MAP3K13: variants seen among roughly 807,000 people sequenced by gnomAD.
The protein encoded by MAP3K13 is mitogen-activated protein kinase kinase kinase 13, also known as leucine zipper-bearing kinase.
A neutral mutation model predicts 104.0 loss-of-function variants in MAP3K13; 52 were observed. The observed-to-expected ratio is 0.50, with a 90% CI of 0.40 to 0.63. The LOEUF is 0.63. Ranked by LOEUF, MAP3K13 falls within the 20% of genes least tolerant of loss-of-function variation. MAP3K13 has a pLI of 0.00. For synonymous variants in MAP3K13, 394 were observed against 442.2 expected (o/e 0.89, Z 1.37); for missense variants, 914 against 1,218.5 (o/e 0.75, Z 3.72).
rs559701293 is a variant in MAP3K13, at chr3:185,291,205, C to T, written c.-86+5562C>T. On this transcript the variant is annotated intron_variant, in intron 2 of 14. Transcript: ENST00000424227. Reference sequence around the variant, plus strand: ...CCCACAAAGTGAACATCATTTTATGCTATCTCTTCCAACAAGCATTTTGGC... The same window carrying T: ...CCCACAAAGTGAACATCATTTTATGTTATCTCTTCCAACAAGCATTTTGGC... 3.9e-5 allele frequency among the ~76,000 whole-genome samples: 6 copies of T among 152,326 alleles called. No individual in the cohort carries two copies. In the South Asian group the frequency reaches 1.2e-3, roughly 32 times the overall value.
At chr3:185,284,644 G>T (rs888332562) in intron 1 of MAP3K13, among the ~76,000 whole-genome samples, 1 of 152,112 alleles carries the variant, frequency 6.6e-6, no homozygotes, top group Non-Finnish European at 1.5e-5. Flanking sequence ...GAAGCCGGGA[G>T]GGGGAGGTTG....
At chr3:185,284,428 G>A (rs964023304) in intron 1 of MAP3K13, among the ~76,000 whole-genome samples, 69 of 152,280 alleles carry the variant, frequency 4.5e-4, no homozygotes, top group Admixed American at 2.5e-3. Context: ...ATGTGATAAA[G>A]TGTGGGGCCG....
At chr3:185,292,150 C>G (rs563617800) in intron 2 of MAP3K13, 1 of 232,854 alleles carries the variant, frequency 4.3e-6, no homozygotes, top group African/African-American at 2.3e-5. Flanking sequence ...ACTAAAAATA[C>G]AAAAATTAGC....
intron 1 of MAP3K13, among the ~76,000 whole-genome samples, chr3:185,379,377 G>C (rs770269834): frequency 6.6e-6 from 1 of 152,182 alleles, no homozygotes; most frequent in Non-Finnish European, 1.5e-5. Flanking sequence ...AGAGATTGAA[G>C]GATGGCTCCA....
intron 12 of MAP3K13, among the ~76,000 whole-genome samples, chr3:185,477,645 C>T (rs907856492): frequency 2.6e-5 from 4 of 152,176 alleles, no homozygotes; most frequent in Admixed American, 1.3e-4. Flanking sequence ...TTCAAGGTTA[C>T]AACTGAGAAT....
intron 2 of MAP3K13, among the ~76,000 whole-genome samples, chr3:185,357,381 G>T (rs1723405385): frequency 1.3e-5 from 2 of 149,590 alleles, no homozygotes; most frequent in Admixed American, 1.3e-4. Flanking sequence ...CCGGGAGGCG[G>T]AGGTTACGGT....
chr3:185,407,231 C>T (rs1201821065), intron 1 of MAP3K13, among the ~76,000 whole-genome samples: 1 of 152,030 alleles, frequency 6.6e-6, no homozygotes, highest in Non-Finnish European at 1.5e-5. Flanking sequence ...AGATCTTGAG[C>T]CTTAACCCAC....
At chr3:185,467,472 T>C (rs1379091159) in intron 10 of MAP3K13, among the ~76,000 whole-genome samples, 2 of 152,118 alleles carry the variant, frequency 1.3e-5, no homozygotes, top group African/African-American at 4.8e-5. Context: ...ACTGTATTAG[T>C]CCCTTCTTGC....
intron 1 of MAP3K13, among the ~76,000 whole-genome samples, chr3:185,380,234 C>T (rs189846214): frequency 2.8e-4 from 43 of 151,600 alleles, no homozygotes; most frequent in African/African-American, 1.0e-3. Flanking sequence ...ATTCTCAGGC[C>T]GGGCGTGGTG....
At chr3:185,474,663 C>T (rs553787272) in intron 11 of MAP3K13, among the ~76,000 whole-genome samples, 6 of 152,304 alleles carry the variant, frequency 3.9e-5, no homozygotes. Context: ...TGACAGGCAT[C>T]GTGACCCAGA....
chr3:185,390,663 C>G (rs984494206), intron 1 of MAP3K13, among the ~76,000 whole-genome samples: 4 of 138,346 alleles, frequency 2.9e-5, no homozygotes, highest in Non-Finnish European at 4.6e-5. Context: ...CTTGCTCTGT[C>G]GCCAGGCTGG....
intron 2 of MAP3K13, among the ~76,000 whole-genome samples, chr3:185,355,872 A>G (rs1309739664): frequency 6.6e-6 from 1 of 152,234 alleles, no homozygotes; most frequent in Non-Finnish European, 1.5e-5. Context: ...AGTTTTGATT[A>G]TGAGGTTATT....
intron 2 of MAP3K13, among the ~76,000 whole-genome samples, chr3:185,347,969 A>C (rs555944746): frequency 6.7e-6 from 1 of 150,040 alleles, no homozygotes; most frequent in African/African-American, 2.5e-5. Flanking sequence ...CCGAGATTGC[A>C]TCATTGCACT....
chr3:185,360,755 G>T (rs1723570492), upstream of MAP3K13, among the ~76,000 whole-genome samples: 4 of 150,728 alleles, frequency 2.7e-5, no homozygotes, highest in South Asian at 6.3e-4. Flanking sequence ...CCCATCCATA[G>T]TGGACTTATT....
At chr3:185,443,401 C>G (rs752222546) in intron 3 of MAP3K13, 44 bp from the exon 4 acceptor site, 9 of 1,334,094 alleles carry the variant, frequency 6.7e-6, no homozygotes, top group Non-Finnish European at 1.1e-6. Flanking sequence ...CATATGTATA[C>G]TTGTATGTGT....
At chr3:185,465,988 T>C in intron 9 of MAP3K13, 125 bp downstream of exon 9, 2 of 744,562 alleles carry the variant, frequency 2.7e-6, no homozygotes, top group South Asian at 3.2e-5. Context: ...CCAACATTCC[T>C]TCCGGGATGT....
At chr3:185,471,056 G>A (rs1560131026) in intron 10 of MAP3K13, among the ~76,000 whole-genome samples, 1 of 152,162 alleles carries the variant, frequency 6.6e-6, no homozygotes, top group Non-Finnish European at 1.5e-5. Flanking sequence ...ACTGTAAGGT[G>A]GATGCTTAAT....
chr3:185,361,098 A>ATG (rs34760922), upstream of MAP3K13, among the ~76,000 whole-genome samples: 3,905 of 146,630 alleles, frequency 0.027, 167 homozygotes, highest in African/African-American at 0.09. Flanking sequence ...ATATATATAT[A>ATG]TGTGTGTGTG....
intron 2 of MAP3K13, chr3:185,291,584 A>T (rs764532511): frequency 1.3e-6 from 2 of 1,499,190 alleles, no homozygotes; most frequent in Non-Finnish European, 1.8e-6. Flanking sequence ...TTGTAGTAGA[A>T]TTTTTTTGTG....
Sources: gnomAD v4.1 joint callset for allele counts (sites outside exome capture counted in the v4.1 genomes callset) on GRCh38, gnomAD v4.1.1 for gene constraint, MANE v1.5 for transcripts, NCBI Gene and HGNC (gene_info 2026-07-23, HGNC 2026-07-21) for gene names.